The following FCRL5 variants were observed in gnomAD, a reference collection of about 807,000 sequenced individuals.
FCRL5 encodes the protein Fc receptor like 5.
FCRL5 carries 79 observed loss-of-function variants against 92.1 expected under a neutral mutation model. That is an observed-to-expected ratio of 0.86 (90% CI 0.72 to 1.03). The LOEUF is 1.03. Ranked by LOEUF, FCRL5 falls within the 50% of genes least tolerant of loss-of-function variation. The pLI is 0.00. For synonymous variants in FCRL5, 466 were observed against 469.3 expected, an observed-to-expected ratio of 0.99 and a Z score of 0.09; for missense variants, 1,160 against 1,181.1, an observed-to-expected ratio of 0.98 and a Z score of 0.26.
At chr1:157,544,689 A>G (rs1253000930) in intron 4 of FCRL5, 142 bp downstream of exon 4, 3 of 1,415,084 alleles carry the variant, frequency 2.1e-6, no homozygotes, top group Non-Finnish European at 2.9e-6. Context: ...CCAAAACACT[A>G]CTATACTTCC....
At chr1:157,516,049 C>T (rs1165880471) in intron 15 of FCRL5, 176 bp from the exon 16 acceptor site, 17 of 701,906 alleles carry the variant, frequency 2.4e-5, no homozygotes, top group Non-Finnish European at 3.8e-5. Flanking sequence ...ACTCCCTCAG[C>T]CTCTCAGCAC....
At chr1:157,546,247 A>G in intron 3 of FCRL5, 2 of 454,290 alleles carry the variant, frequency 4.4e-6, no homozygotes, top group Non-Finnish European at 8.8e-6. Flanking sequence ...CAGGAGTTCA[A>G]CATTAGCCTG....
At chr1:157,522,586 G>T (rs568644169) in intron 10 of FCRL5, 2 of 152,326 alleles carry the variant, frequency 1.3e-5, no homozygotes, top group South Asian at 4.1e-4. Context: ...CCTGGTGAAG[G>T]CTCAGTGAGT....
chr1:157,551,116 T>A (rs1651789671), intron 1 of FCRL5, among the ~76,000 whole-genome samples: 1 of 152,360 alleles, frequency 6.6e-6, no homozygotes, highest in African/African-American at 2.4e-5. Context: ...TTTACGTAGG[T>A]TATTTCATAT....
intron 2 of FCRL5, chr1:157,547,481 C>T (rs1651611525): frequency 7.0e-6 from 4 of 571,608 alleles, no homozygotes; most frequent in Non-Finnish European, 1.3e-5. Context: ...GAAGTGGGTC[C>T]CAGAGAAAAT....
rs140668596 is a variant in FCRL5 at position 157,549,563 on chromosome 1, A to G, written c.49T>C (p.Phe17Leu). ...LLVLAPVSGQ[F>L]ARTPRPIIFL... is the part of the protein sequence containing the mutation. ...AGCCAAAGACAGGAGAACTCACCAA[A>G]CTGTCCACTGACAGGAGCTGCAAAA... Residue 17 changes from phenylalanine to leucine, a missense_variant, in exon 2 of 17, where the codon TTT becomes CTT. By Grantham distance (22) the Phe-to-Leu change is conservative. Coordinates refer to ENST00000361835, the MANE Select transcript of FCRL5 (RefSeq NM_031281.3). 20 of 1,612,238 alleles carry G rather than the reference A, an allele frequency of 1.2e-5. No individual in the cohort carries two copies. The African/African-American group carries it at 2.3e-4, about 18-fold the overall frequency.
rs754089295 is a variant in FCRL5, at chr1:157,544,561, C to T, written c.560-15G>A. 2.5e-6 allele frequency: 4 copies of T among 1,610,634 alleles called. No homozygotes were observed. The South Asian group carries it at 3.3e-5, about 13-fold the overall frequency. On this transcript the variant is annotated splice_polypyrimidine_tract_variant and intron_variant, in intron 4 of 16. Coordinates refer to ENST00000361835, the MANE Select transcript of FCRL5 (RefSeq NM_031281.3). ...TGTAAATGGCTCTAGAGAGAAGAATCACAACAGTCCCAGAGCAATGAGGCT... is the reference window on the plus strand; with the variant it reads ...TGTAAATGGCTCTAGAGAGAAGAATTACAACAGTCCCAGAGCAATGAGGCT...
chr1:157,536,778 G>C (rs959714436), intron 7 of FCRL5, among the ~76,000 whole-genome samples: 2 of 152,168 alleles, frequency 1.3e-5, no homozygotes, highest in Non-Finnish European at 2.9e-5. Flanking sequence ...GGGAAGTCAG[G>C]GACCCCGAAT....
In FCRL5 at chr1:157,527,643, C is replaced by T. The variant is rs1281165922; in HGVS notation, c.1934G>A (p.Ser645Asn). 1 of 1,611,708 alleles carries T rather than the reference C, an allele frequency of 6.2e-7. No individual in the cohort carries two copies. Among genetic ancestry groups the T allele is most frequent in the Non-Finnish European group, 8.5e-7 (1 of 1,178,704 alleles). ...EANNGLVAQH[S>N]DTISLSVIVP... ...TATAACACTGAGTGATATTGTGTCA[C>T]TGTGCTGGGCCACTAGGCCATTGTT... Residue 645 changes from serine (S) to asparagine (N), a missense_variant, in exon 9 of 17, where the codon AGT becomes AAT. Ser to Asn is a conservative substitution (Grantham distance 46). Coordinates refer to ENST00000361835, the MANE Select transcript of FCRL5 (RefSeq NM_031281.3).
At chr1:157,520,103 A>T (rs1312487560) in intron 12 of FCRL5, among the ~76,000 whole-genome samples, 1 of 152,080 alleles carries the variant, frequency 6.6e-6, no homozygotes, top group Non-Finnish European at 1.5e-5. Flanking sequence ...TCTGGTTTCT[A>T]TTTTCATTTC....
At chr1:157,543,215 CCA>C (rs1651356252) in intron 5 of FCRL5, 78 bp from the exon 6 acceptor site, 1 of 1,351,816 alleles carries the variant, frequency 7.4e-7, no homozygotes, top group African/African-American at 1.4e-5. Flanking sequence ...GTGCAAATGC[CCA>C]GTCTCCAGTC....
intron 3 of FCRL5, 47 bp from the exon 4 acceptor site, chr1:157,545,129 CT>C (rs1261254621): frequency 6.4e-7 from 1 of 1,557,608 alleles, no homozygotes; most frequent in East Asian, 2.3e-5. Flanking sequence ...ACTGTTTCCC[CT>C]TTCTTTTCAT....
chr1:157,520,851 G>A (rs1401030510), intron 11 of FCRL5, among the ~76,000 whole-genome samples, 166 bp downstream of exon 11: 2 of 152,232 alleles, frequency 1.3e-5, no homozygotes, highest in African/African-American at 2.4e-5. Context: ...CAGCCCCAAC[G>A]CCATCACTTC....
chr1:157,533,130 T>TATA (rs1409824429), intron 8 of FCRL5: 1 of 152,144 alleles, frequency 6.6e-6, no homozygotes, highest in African/African-American at 2.4e-5. Flanking sequence ...CATATATATA[T>TATA]TTTTAACCTC....
chr1:157,539,395 G>C (rs757967759), intron 6 of FCRL5, 31 bp from the exon 7 acceptor site: 1 of 1,563,660 alleles, frequency 6.4e-7, no homozygotes, highest in Non-Finnish European at 8.7e-7. Context: ...GTCAAGATTT[G>C]TTTCTGCCTC....
intron 8 of FCRL5, among the ~76,000 whole-genome samples, chr1:157,529,806 G>A (rs1650607059): frequency 6.6e-6 from 1 of 152,154 alleles, no homozygotes; most frequent in African/African-American, 2.4e-5. Context: ...AGATTCTGGG[G>A]ATTCAGTGGA....
intron 10 of FCRL5, 179 bp from the exon 11 acceptor site, chr1:157,521,471 T>C: frequency 3.1e-6 from 2 of 651,368 alleles, no homozygotes; most frequent in Non-Finnish European, 4.8e-6. Context: ...AAATATCCAA[T>C]AGAAAACTGT....
Position 157,527,662 on chromosome 1 carries a change from C to T in FCRL5, c.1915G>A (p.Gly639Ser), listed in dbSNP as rs751632885. 3 of 1,613,934 alleles carry T rather than the reference C, an allele frequency of 1.9e-6. No homozygotes were observed. In the South Asian group the frequency reaches 3.3e-5, roughly 18 times the overall value. ...SGNYSCEANN[G>S]LVAQHSDTIS... ...GTGTCACTGTGCTGGGCCACTAGGCCATTGTTGGCCTCACATGAGTAGTTT... is the reference window on the plus strand; with the variant it reads ...GTGTCACTGTGCTGGGCCACTAGGCTATTGTTGGCCTCACATGAGTAGTTT... The change falls in exon 9 of 17, where the codon GGC becomes AGC. Residue 639 changes from glycine to serine, a missense_variant. Transcript: ENST00000361835.
chr1:157,514,523 T>G lies in FCRL5; in HGVS notation c.*1152A>C, dbSNP rs1649839244. 6.6e-6 allele frequency: 1 copy of G among 152,234 alleles called. No individual in the cohort carries two copies. 9.4% of individuals were successfully genotyped at this position (152,234 alleles called of 1,614,324 possible). On this transcript the variant is annotated 3_prime_UTR_variant, in exon 17 of 17. Coordinates refer to ENST00000361835, the MANE Select transcript of FCRL5 (RefSeq NM_031281.3). ...GATCCGTGTGAACCGAGTTGGGCCC[T>G]GGGCAGCCAGAGCCACACATTCCCT... is the stretch of plus-strand genomic sequence containing the variant.
Sources: gnomAD v4.1 joint callset for allele counts (sites outside exome capture counted in the v4.1 genomes callset) on GRCh38, gnomAD v4.1.1 for gene constraint, MANE v1.5 for transcripts, NCBI Gene and HGNC (gene_info 2026-07-23, HGNC 2026-07-21) for gene names.